Variants in OPCML observed in about 807,000 individuals in gnomAD.
The protein encoded by OPCML is opioid binding protein/cell adhesion molecule like.
OPCML carries 13 observed loss-of-function variants against 37.8 expected under a neutral mutation model. The ratio of observed to expected loss-of-function variants is 0.34; its 90% CI spans 0.22 to 0.55. The LOEUF (loss-of-function observed/expected upper bound fraction) is 0.55, where lower values mean the gene tolerates loss of function less well. OPCML is among the 20% of genes least tolerant of loss of function. The pLI is 0.91. For synonymous variants in OPCML, 176 were observed against 168.8 expected (o/e 1.04, Z -0.33); for missense variants, 341 against 435.6 (o/e 0.78, Z 1.93).
At chr11:132,766,099 T>TAAAA (rs149991877) in intron 2 of OPCML, among the ~76,000 whole-genome samples, 2 of 148,796 alleles carry the variant, frequency 1.3e-5, no homozygotes, top group African/African-American at 2.5e-5. Context: ...GCTTATAATT[T>TAAAA]AAAAAAAAAA....
At chr11:133,107,104 C>A (rs1949171349) in intron 1 of OPCML, among the ~76,000 whole-genome samples, 1 of 152,244 alleles carries the variant, frequency 6.6e-6, no homozygotes, top group African/African-American at 2.4e-5. Context: ...CCCCAGGCCA[C>A]CTTCTCTTCT....
At chr11:133,246,977 G>A (rs970212492) in intron 1 of OPCML, among the ~76,000 whole-genome samples, 2 of 152,134 alleles carry the variant, frequency 1.3e-5, no homozygotes, top group African/African-American at 4.8e-5. Flanking sequence ...TGCTAATTGT[G>A]CCAGTAGCCG....
At chr11:133,526,539 C>A (rs183440759) in intron 1 of OPCML, among the ~76,000 whole-genome samples, 1 of 152,306 alleles carries the variant, frequency 6.6e-6, no homozygotes, top group African/African-American at 2.4e-5. Context: ...GCACATTCAT[C>A]TTCAAGCTTC....
At chr11:132,902,677 T>G (rs1232570946) in intron 2 of OPCML, among the ~76,000 whole-genome samples, 2 of 152,192 alleles carry the variant, frequency 1.3e-5, no homozygotes, top group Non-Finnish European at 2.9e-5. Flanking sequence ...CAGGACTTTC[T>G]GACCTCTTCT....
At chr11:132,495,064 T>A (rs752830468) in intron 4 of OPCML, among the ~76,000 whole-genome samples, 1 of 152,116 alleles carries the variant, frequency 6.6e-6, no homozygotes, top group African/African-American at 2.4e-5. Flanking sequence ...TACATCATTG[T>A]CACCTCCTTT....
At chr11:133,486,624 C>T (rs1347677567) in intron 1 of OPCML, among the ~76,000 whole-genome samples, 5 of 152,090 alleles carry the variant, frequency 3.3e-5, no homozygotes, top group Admixed American at 1.3e-4. Context: ...TTATCCAAAC[C>T]GATGGCTTTA....
intron 1 of OPCML, among the ~76,000 whole-genome samples, chr11:132,990,775 G>A (rs139892243): frequency 2.6e-3 from 391 of 152,318 alleles, no homozygotes; most frequent in Admixed American, 4.6e-3. Context: ...CAAGTAGCTC[G>A]AGCATTCCGA....
At chr11:133,220,524 G>C (rs564575746) in intron 1 of OPCML, among the ~76,000 whole-genome samples, 1 of 152,148 alleles carries the variant, frequency 6.6e-6, no homozygotes. Flanking sequence ...CAGAGGAGGA[G>C]AGGTCTCCCT....
chr11:132,844,862 G>A (rs1254980375), intron 2 of OPCML, among the ~76,000 whole-genome samples: 1 of 149,576 alleles, frequency 6.7e-6, no homozygotes, highest in Non-Finnish European at 1.5e-5. Flanking sequence ...TATATAGCTT[G>A]TTAATTCACA....
intron 1 of OPCML, among the ~76,000 whole-genome samples, chr11:132,979,758 A>G (rs1946544024): frequency 6.6e-6 from 1 of 152,230 alleles, no homozygotes; most frequent in African/African-American, 2.4e-5. Context: ...CGTAAGTAAC[A>G]GTTGAGGCCC....
At chr11:133,417,726 C>T (rs778826947) in intron 1 of OPCML, among the ~76,000 whole-genome samples, 5 of 150,230 alleles carry the variant, frequency 3.3e-5, no homozygotes, top group South Asian at 4.2e-4. Context: ...TGAGTGAGAA[C>T]GTCTATACCC....
intron 1 of OPCML, among the ~76,000 whole-genome samples, chr11:133,053,364 C>T (rs1413391018): frequency 6.6e-6 from 1 of 152,210 alleles, no homozygotes; most frequent in Admixed American, 6.5e-5. Context: ...CCTCTCTTGG[C>T]TCCATGCCCT....
intron 1 of OPCML, among the ~76,000 whole-genome samples, chr11:133,054,959 C>A (rs961933892): frequency 2.0e-5 from 3 of 150,730 alleles, no homozygotes; most frequent in Admixed American, 6.6e-5. Flanking sequence ...AGTGGTGAGA[C>A]CCCACGAGGG....
intron 2 of OPCML, among the ~76,000 whole-genome samples, chr11:132,693,238 A>G (rs1309176167): frequency 6.6e-6 from 1 of 152,176 alleles, no homozygotes; most frequent in Non-Finnish European, 1.5e-5. Context: ...TGAGTGGAAG[A>G]CTGTGCTCTA....
At chr11:133,010,055 C>T (rs988605453) in intron 1 of OPCML, among the ~76,000 whole-genome samples, 1 of 152,164 alleles carries the variant, frequency 6.6e-6, no homozygotes, top group Non-Finnish European at 1.5e-5. Flanking sequence ...AAGAGTTTCC[C>T]ACAGCTGAGC....
intron 2 of OPCML, among the ~76,000 whole-genome samples, chr11:132,727,337 C>T (rs915165059): frequency 1.3e-5 from 2 of 152,134 alleles, no homozygotes; most frequent in Non-Finnish European, 2.9e-5. Flanking sequence ...TTAGGTGAAC[C>T]GAGGTTCCCA....
intron 1 of OPCML, among the ~76,000 whole-genome samples, chr11:133,386,586 C>T (rs1945059693): frequency 6.6e-6 from 1 of 152,176 alleles, no homozygotes; most frequent in African/African-American, 2.4e-5. Flanking sequence ...TGGGTGTTTC[C>T]CATAATTACA....
At chr11:132,604,271 T>A (rs1192855616) in intron 3 of OPCML, among the ~76,000 whole-genome samples, 1 of 135,466 alleles carries the variant, frequency 7.4e-6, no homozygotes, top group Non-Finnish European at 1.5e-5. Flanking sequence ...CTTCTTTGTG[T>A]TTATTTTCGT....
At chr11:133,054,960 C>T (rs971959016) in intron 1 of OPCML, among the ~76,000 whole-genome samples, 37 of 145,562 alleles carry the variant, frequency 2.5e-4, no homozygotes, top group Non-Finnish European at 3.9e-4. Context: ...GTGGTGAGAC[C>T]CCACGAGGGA....
Sources: gnomAD v4.1 joint callset for allele counts (sites outside exome capture counted in the v4.1 genomes callset) on GRCh38, gnomAD v4.1.1 for gene constraint, MANE v1.5 for transcripts, NCBI Gene and HGNC (gene_info 2026-07-23, HGNC 2026-07-21) for gene names.